Variants in CADM2 observed in about 807,000 individuals in gnomAD.
CADM2 encodes immunoglobulin superfamily member 4D.
A neutral mutation model predicts 49.8 loss-of-function variants in CADM2; 12 were observed. That is an observed-to-expected ratio of 0.24 (90% CI 0.15 to 0.39). The LOEUF (loss-of-function observed/expected upper bound fraction) is 0.39. Ranked by LOEUF, CADM2 falls within the 10% of genes least tolerant of loss-of-function variation. CADM2 has a pLI of 1.00. For missense variants in CADM2, 378 were observed against 492.3 expected, an observed-to-expected ratio of 0.77 and a Z score of 2.20; for synonymous variants, 214 against 175.4, an observed-to-expected ratio of 1.22 and a Z score of -1.74.
intron 1 of CADM2, among the ~76,000 whole-genome samples, chr3:85,479,958 G>A (rs2039141703): frequency 6.6e-6 from 1 of 151,792 alleles, no homozygotes; most frequent in Non-Finnish European, 1.5e-5. Flanking sequence ...ACTTTCTGGT[G>A]GTGAGGGGAT....
rs962417701 is a variant in CADM2 at position 85,327,609 on chromosome 3, A to G, written c.61+367941A>G. ...ACACACCACACACACACACACATAA[A>G]CTATATGTGTATTTATATAAATATA... On this transcript the variant is annotated intron_variant, in intron 1 of 9. Transcript: ENST00000383699. Among the ~76,000 whole-genome samples the G allele has an allele frequency of 2.7e-5, 4 of 149,616 alleles. No individual in the cohort carries two copies. The South Asian group carries it at 6.3e-4, about 24-fold the overall frequency.
At chr3:85,575,420 G>A (rs536006875) in intron 1 of CADM2, among the ~76,000 whole-genome samples, 3 of 152,170 alleles carry the variant, frequency 2.0e-5, no homozygotes, top group East Asian at 1.9e-4. Flanking sequence ...GCGTGGTGGC[G>A]GGCATCTGTA....
chr3:85,547,137 A>G (rs1054177139), intron 1 of CADM2, among the ~76,000 whole-genome samples: 1 of 152,008 alleles, frequency 6.6e-6, no homozygotes, highest in South Asian at 2.1e-4. Flanking sequence ...ATGAAAATTA[A>G]ATATTTGTTG....
intron 1 of CADM2, among the ~76,000 whole-genome samples, chr3:85,058,036 G>A (rs2036157741): frequency 6.6e-6 from 1 of 152,286 alleles, no homozygotes; most frequent in African/African-American, 2.4e-5. Flanking sequence ...TTAAATTGGT[G>A]TAGCAAACAT....
intron 8 of CADM2, among the ~76,000 whole-genome samples, chr3:85,974,087 C>T (rs1313979839): frequency 6.6e-6 from 1 of 151,548 alleles, no homozygotes. Flanking sequence ...TAAGGCTGAG[C>T]CTACAGTTTA....
intron 1 of CADM2, among the ~76,000 whole-genome samples, chr3:85,474,408 T>C (rs2038895929): frequency 6.6e-6 from 1 of 151,978 alleles, no homozygotes; most frequent in African/African-American, 2.4e-5. Context: ...CCTACCCACG[T>C]CATATTCATT....
intron 1 of CADM2, among the ~76,000 whole-genome samples, chr3:85,403,896 T>C (rs1162169538): frequency 6.6e-6 from 1 of 152,094 alleles, no homozygotes; most frequent in Non-Finnish European, 1.5e-5. Flanking sequence ...ATCAGAAGTA[T>C]TGTACTTTTT....
chr3:85,532,359 C>A (rs1044012381), intron 1 of CADM2, among the ~76,000 whole-genome samples: 1 of 152,162 alleles, frequency 6.6e-6, no homozygotes, highest in Non-Finnish European at 1.5e-5. Context: ...ACATGTATGA[C>A]ATTTCTGTCC....
chr3:85,633,503 A>T (rs1014941141), intron 1 of CADM2, among the ~76,000 whole-genome samples: 2 of 152,086 alleles, frequency 1.3e-5, no homozygotes, highest in Non-Finnish European at 2.9e-5. Flanking sequence ...GGGACATGTT[A>T]AAACAATACT....
chr3:85,581,824 T>C (rs573087911), intron 1 of CADM2, among the ~76,000 whole-genome samples: 2 of 150,784 alleles, frequency 1.3e-5, no homozygotes, highest in Admixed American at 6.7e-5. Context: ...GTATTTATAC[T>C]TCAAAAAAAA....
chr3:85,918,436 G>C (rs1225619201), intron 6 of CADM2, among the ~76,000 whole-genome samples: 1 of 152,084 alleles, frequency 6.6e-6, no homozygotes, highest in Non-Finnish European at 1.5e-5. Flanking sequence ...CTTTGGTTCT[G>C]TTTATATGCT....
At chr3:85,364,901 A>G (rs1453826846) in intron 1 of CADM2, among the ~76,000 whole-genome samples, 5 of 121,814 alleles carry the variant, frequency 4.1e-5, no homozygotes, top group East Asian at 5.8e-4. Flanking sequence ...AACAACAACA[A>G]CAACAATAAA....
chr3:85,425,700 A>C (rs993485985), intron 1 of CADM2, among the ~76,000 whole-genome samples: 8 of 152,186 alleles, frequency 5.3e-5, no homozygotes, highest in African/African-American at 1.7e-4. Flanking sequence ...GGTTGATCAG[A>C]TCCAACACCA....
chr3:85,500,719 G>T (rs749467134), intron 1 of CADM2, among the ~76,000 whole-genome samples: 1 of 151,904 alleles, frequency 6.6e-6, no homozygotes, highest in African/African-American at 2.4e-5. Context: ...AGGTTTCCCC[G>T]TGTTAGCCAG....
intron 5 of CADM2, among the ~76,000 whole-genome samples, chr3:85,901,948 A>G (rs1345997589): frequency 6.6e-6 from 1 of 152,318 alleles, no homozygotes; most frequent in Non-Finnish European, 1.5e-5. Flanking sequence ...GTGTTGTAGC[A>G]TATATCAGTA....
intron 1 of CADM2, among the ~76,000 whole-genome samples, chr3:85,185,530 T>C (rs1272397027): frequency 6.6e-6 from 1 of 152,166 alleles, no homozygotes; most frequent in African/African-American, 2.4e-5. Flanking sequence ...TAGTATGATA[T>C]ATAAGCTTAT....
intron 1 of CADM2, among the ~76,000 whole-genome samples, chr3:85,176,805 G>A (rs1341328603): frequency 6.6e-6 from 1 of 152,140 alleles, no homozygotes; most frequent in Non-Finnish European, 1.5e-5. Flanking sequence ...ACTAGAGTTG[G>A]CAGGATTTGA....
chr3:85,873,624 C>T (rs1711498604), intron 3 of CADM2, among the ~76,000 whole-genome samples: 1 of 152,028 alleles, frequency 6.6e-6, no homozygotes. Flanking sequence ...TGAGATTGTG[C>T]CACTGCACTC....
chr3:85,481,929 A>G, intron 1 of CADM2, among the ~76,000 whole-genome samples: 1 of 151,806 alleles, frequency 6.6e-6, no homozygotes, highest in South Asian at 2.1e-4. Flanking sequence ...AGATGCCAGA[A>G]AGAAATGAAA....
Sources: allele counts gnomAD v4.1 joint callset (sites outside exome capture counted in the v4.1 genomes callset), GRCh38; gene constraint gnomAD v4.1.1; transcripts MANE v1.5; gene names NCBI Gene and HGNC (gene_info 2026-07-23, HGNC 2026-07-21).